TIMM44: variants seen among roughly 807,000 people sequenced by gnomAD.
The protein encoded by TIMM44 is translocase of inner mitochondrial membrane 44, also known as mitochondrial import inner membrane translocase subunit TIM44.
A neutral mutation model predicts 63.8 loss-of-function variants in TIMM44; 37 were observed. The observed-to-expected ratio is 0.58, with a 90% CI of 0.45 to 0.76. TIMM44 has a LOEUF of 0.76. Among genes scored for constraint, TIMM44 ranks in the 30% least tolerant of loss-of-function variants. The pLI is 0.00. For synonymous variants in TIMM44, 239 were observed against 245.1 expected, an observed-to-expected ratio of 0.98 and a Z score of 0.23; for missense variants, 573 against 603.8, an observed-to-expected ratio of 0.95 and a Z score of 0.54.
Position 7,927,647 on chromosome 19 carries a change from CCTCA to C in TIMM44, c.1239+6_1239+9del. On this transcript the variant is annotated splice_donor_region_variant and intron_variant, in intron 12 of 12. Coordinates refer to ENST00000270538, the MANE Select transcript of TIMM44 (RefSeq NM_006351.4). Reference sequence around the variant, plus strand: ...GTCATGTGCCTGCCCCATCCCACTCCCTCACTCACCGGGTCACCCTCCACCACCT... The same window carrying C: ...GTCATGTGCCTGCCCCATCCCACTCCCTCACCGGGTCACCCTCCACCACCT... 6.2e-7 allele frequency: 1 copy of C among 1,612,360 alleles called. No homozygotes were observed. The highest frequency in any genetic ancestry group is 8.5e-7 in the Non-Finnish European group (1 of 1,179,322).
intron 2 of TIMM44, among the ~76,000 whole-genome samples, chr19:7,940,467 C>A (rs1454506584): frequency 1.3e-5 from 2 of 151,760 alleles, no homozygotes; most frequent in Non-Finnish European, 2.9e-5. Context: ...GGGAAAGAGT[C>A]ACAGGTCCTG....
intron 10 of TIMM44, chr19:7,928,993 AG>A (rs1313396690): frequency 6.6e-6 from 1 of 151,038 alleles, no homozygotes; most frequent in East Asian, 2.0e-4. Flanking sequence ...GTCACCATGC[AG>A]GGGAGTATTT....
chr19:7,938,840 G>T (rs34752535), intron 2 of TIMM44, among the ~76,000 whole-genome samples: 1 of 151,936 alleles, frequency 6.6e-6, no homozygotes, highest in South Asian at 2.1e-4. Flanking sequence ...TAAAAAACAA[G>T]CAAGAAATAT....
intron 10 of TIMM44, 118 bp downstream of exon 10, chr19:7,931,020 C>G (rs958420174): frequency 1.1e-6 from 1 of 878,542 alleles, no homozygotes; most frequent in Non-Finnish European, 1.8e-6. Flanking sequence ...ATTCCCCCAC[C>G]GGGAGCCCAG....
Position 7,933,007 on chromosome 19 carries a change from C to A in TIMM44, c.770-75G>T. 1 of 1,222,012 alleles carries A rather than the reference C, an allele frequency of 8.2e-7. No homozygotes were observed. Among genetic ancestry groups the A allele is most frequent in the South Asian group, 1.2e-5 (1 of 81,502 alleles). 75.7% of individuals were successfully genotyped at this position (1,222,012 alleles called of 1,614,324 possible). On this transcript the variant is annotated intron_variant, in intron 7 of 12. Coordinates refer to ENST00000270538, the MANE Select transcript of TIMM44 (RefSeq NM_006351.4). This position sits in a 1 kb window ranked among gnomAD's most constrained non-coding sequence, Gnocchi z 4.3. ...AACCCTCCCTCACAGCTTCTAGAGGCTCCCTGTGACCCCTGCGGGATCCAC... is the reference window on the plus strand; with the variant it reads ...AACCCTCCCTCACAGCTTCTAGAGGATCCCTGTGACCCCTGCGGGATCCAC...
Position 7,927,293 on chromosome 19 carries a change from C to A in TIMM44, c.1253G>T (p.Arg418Leu), listed in dbSNP as rs757552069. The change falls in exon 13 of 13, where the codon CGG becomes CTG. Residue 418 changes from arginine (R) to leucine (L), a missense_variant. Transcript: ENST00000270538. ...VVEGDPDKVL[R>L]MLYVWALCRD... ...GCAGAGCGCCCACACGTACAGCATC[C>A]GCAGCACCTTGTCCTGCAGGGTGGG... The A allele has an allele frequency of 6.2e-7, 1 of 1,611,150 alleles. No homozygotes were observed. The highest frequency in any genetic ancestry group is 1.1e-5 in the South Asian group (1 of 91,008).
rs1984088084 is a variant in TIMM44 at position 7,934,512 on chromosome 19, C to CAGCACCCCCAGA, written c.394-275_394-274insTCTGGGGGTGCT. On this transcript the variant is annotated intron_variant, in intron 4 of 12. Coordinates refer to ENST00000270538, the MANE Select transcript of TIMM44 (RefSeq NM_006351.4). This position sits in a 1 kb window ranked among gnomAD's most constrained non-coding sequence, Gnocchi z 5.3. ...GGCACCCCCAGAGCCATGAGCACACCGCCACGGCTTCCGGGATGCTGGCCC... is the reference window on the plus strand; with the variant it reads ...GGCACCCCCAGAGCCATGAGCACACCAGCACCCCCAGAGCCACGGCTTCCGGGATGCTGGCCC... Among the ~76,000 whole-genome samples, 1 of 151,654 alleles carries CAGCACCCCCAGA rather than the reference C, an allele frequency of 6.6e-6. No homozygotes were observed. The highest frequency in any genetic ancestry group is 2.4e-5 in the African/African-American group (1 of 41,384).
chr19:7,934,476 ATGAG>A lies in TIMM44; in HGVS notation c.394-242_394-239del, dbSNP rs1174368608. Among the ~76,000 whole-genome samples, 22 of 134,210 alleles carry A rather than the reference ATGAG, an allele frequency of 1.6e-4. No individual in the cohort carries two copies. The highest frequency in any genetic ancestry group is 4.2e-4 in the Admixed American group (5 of 11,930). 88.0% of individuals were successfully genotyped at this position (134,210 alleles called of 152,430 possible). A position where few individuals can be genotyped will look rare whatever the true frequency, so the allele number is the denominator to read the frequency against. ...CGAGCACACCGGCACCCCCAGAGCC[ATGAG>A]CACACCGGCACCCCCAGAGCCATGA... On this transcript the variant is annotated intron_variant, in intron 4 of 12. Coordinates refer to ENST00000270538, the MANE Select transcript of TIMM44 (RefSeq NM_006351.4). This position sits in a 1 kb window ranked among gnomAD's most constrained non-coding sequence, Gnocchi z 5.3.
intron 9 of TIMM44, chr19:7,932,229 C>A (rs1003169094): frequency 7.8e-6 from 2 of 255,598 alleles, no homozygotes; most frequent in Non-Finnish European, 1.5e-5. Context: ...GGGAACCTCA[C>A]GGCTGCAGCT....
chr19:7,932,849 C>T lies in TIMM44; in HGVS notation c.853G>A (p.Asp285Asn), dbSNP rs200898652. 8.1e-6 allele frequency: 13 copies of T among 1,614,080 alleles called. No homozygotes were observed. The highest frequency in any genetic ancestry group is 6.7e-5 in the African/African-American group (5 of 74,942). ...ASRALTDKVT[D>N]LLGGLFSKTE... The stretch of plus-strand genomic sequence containing the variant: ...GGGATGACTCACTCACCCAGCAAGT[C>T]GGTGACCTTGTCCGTAAGGGCCCGG... Residue 285 changes from aspartate to asparagine, a missense_variant, in exon 8 of 13, where the codon GAC becomes AAC. Coordinates refer to ENST00000270538, the MANE Select transcript of TIMM44 (RefSeq NM_006351.4).
At chr19:7,942,820 C>T (rs559267374) in intron 1 of TIMM44, among the ~76,000 whole-genome samples, 18 of 151,546 alleles carry the variant, frequency 1.2e-4, no homozygotes, top group Admixed American at 1.2e-3. Flanking sequence ...GCCACCATGC[C>T]CGGCTAATTT....
intron 9 of TIMM44, 56 bp from the exon 10 acceptor site, chr19:7,931,244 G>A: frequency 6.6e-7 from 1 of 1,522,854 alleles, no homozygotes. Flanking sequence ...CAGGCAGCAG[G>A]CGAGGTCCTG....
In TIMM44 at chr19:7,929,877, C is replaced by T. The variant is rs1983930815; in HGVS notation, c.1038+1261G>A. Among the ~76,000 whole-genome samples the T allele has an allele frequency of 1.3e-5, 2 of 152,188 alleles. 1 individual carries two copies. The highest frequency in any genetic ancestry group is 4.1e-4 in the South Asian group (2 of 4,824). On this transcript the variant is annotated intron_variant, in intron 10 of 12. Coordinates refer to ENST00000270538, the MANE Select transcript of TIMM44 (RefSeq NM_006351.4). ...ATTATTTCTTTTTTTTTAAGACAGT[C>T]TCGCTCTGTTGCCCAGGCTGGAGTG... is the stretch of plus-strand genomic sequence containing the variant.
At chr19:7,941,296 T>G in intron 1 of TIMM44, 99 bp from the exon 2 acceptor site, 46 of 810,612 alleles carry the variant, frequency 5.7e-5, no homozygotes, top group African/African-American at 8.9e-5. Flanking sequence ...TGCAACTCAC[T>G]GGCCATTTTT....
rs1184596355 is a variant in TIMM44 at position 7,927,822 on chromosome 19, C to A, written c.1129-55G>T. The A allele has an allele frequency of 3.2e-6, 5 of 1,568,752 alleles. No homozygotes were observed. The South Asian group carries it at 4.4e-5, about 14-fold the overall frequency. ...CTCAGAGGACAGCCCGGCTGCTCCCCTGGAGGTGAAACCCCTGCGCCTAGG... is the reference window on the plus strand; with the variant it reads ...CTCAGAGGACAGCCCGGCTGCTCCCATGGAGGTGAAACCCCTGCGCCTAGG... On this transcript the variant is annotated intron_variant, in intron 11 of 12. Transcript: ENST00000270538.
rs1458750772 is a variant in TIMM44 at position 7,934,909 on chromosome 19, C to T, written c.393+156G>A. Reference sequence around the variant, plus strand: ...CAGTCTGACCTCACCCTGCATGTGCCGGGAACTCCTGAAACCTTCCCGAGG... The same window carrying T: ...CAGTCTGACCTCACCCTGCATGTGCTGGGAACTCCTGAAACCTTCCCGAGG... On this transcript the variant is annotated intron_variant, in intron 4 of 12. Coordinates refer to ENST00000270538, the MANE Select transcript of TIMM44 (RefSeq NM_006351.4). This position sits in a 1 kb window ranked among gnomAD's most constrained non-coding sequence, Gnocchi z 5.3. Among the ~76,000 whole-genome samples, 1 of 152,108 alleles carries T rather than the reference C, an allele frequency of 6.6e-6. No homozygotes were observed. Among genetic ancestry groups the T allele is most frequent in the Non-Finnish European group, 1.5e-5 (1 of 67,998 alleles).
chr19:7,939,837 C>T (rs1367212659), intron 2 of TIMM44, among the ~76,000 whole-genome samples: 4 of 151,938 alleles, frequency 2.6e-5, no homozygotes, highest in South Asian at 2.1e-4. Flanking sequence ...TGCTTGAACT[C>T]GGGAGGTGGA....
rs374226284 is a variant in TIMM44 at position 7,941,125 on chromosome 19, G to A, written c.118C>T (p.Arg40Trp). 3.3e-5 allele frequency: 54 copies of A among 1,613,882 alleles called. No individual in the cohort carries two copies. The highest frequency in any genetic ancestry group is 1.6e-4 in the African/African-American group (12 of 74,894). The change falls in exon 2 of 13, where the codon CGG (arginine) becomes TGG (tryptophan). Residue 40 changes from arginine (R) to tryptophan (W), a missense_variant. Coordinates refer to ENST00000270538, the MANE Select transcript of TIMM44 (RefSeq NM_006351.4). ...LPHGSTYQMR[R>W]PGGELPLSKS... ...ACCAGTGGCAGCTCTCCGCCCGGCC[G>A]GCGCATCTGATAGGTCGACCCATGG...
intron 3 of TIMM44, among the ~76,000 whole-genome samples, chr19:7,937,617 T>A (rs1372570961): frequency 6.6e-6 from 1 of 152,142 alleles, no homozygotes; most frequent in Non-Finnish European, 1.5e-5. Flanking sequence ...TGACCTCACT[T>A]CCTCACGAGC....
Sources: gnomAD v4.1 joint callset for allele counts (sites outside exome capture counted in the v4.1 genomes callset) on GRCh38, gnomAD v4.1.1 for gene constraint, Gnocchi (gnomAD v3.1) non-coding constraint, MANE v1.5 for transcripts, NCBI Gene and HGNC (gene_info 2026-07-23, HGNC 2026-07-21) for gene names.